Variants in VDR observed in about 807,000 individuals in gnomAD.
The protein encoded by VDR is vitamin D3 receptor.
A neutral mutation model predicts 39.7 loss-of-function variants in VDR; 19 were observed. That is an observed-to-expected ratio of 0.48 (90% CI 0.33 to 0.70). VDR has a LOEUF of 0.70. Among genes scored for constraint, VDR ranks in the 30% least tolerant of loss-of-function variants. VDR has a pLI of 0.02. For missense variants in VDR, 442 were observed against 570.5 expected (o/e 0.77, Z 2.29); for synonymous variants, 242 against 215.8 (o/e 1.12, Z -1.07).
At chr12:47,890,250 G>A (rs1946342372) in intron 1 of VDR, among the ~76,000 whole-genome samples, 1 of 151,264 alleles carries the variant, frequency 6.6e-6, no homozygotes, top group African/African-American at 2.4e-5. Flanking sequence ...ATGAGGAATG[G>A]CTTATTTTCT....
chr12:47,862,914 C>T (rs578095188), intron 4 of VDR, among the ~76,000 whole-genome samples: 5 of 152,302 alleles, frequency 3.3e-5, no homozygotes, highest in African/African-American at 1.2e-4. Context: ...ACTGGATCCC[C>T]GCTCCACCAG....
intron 1 of VDR, among the ~76,000 whole-genome samples, chr12:47,894,649 T>A (rs1565636875): frequency 6.6e-6 from 1 of 152,174 alleles, no homozygotes; most frequent in Non-Finnish European, 1.5e-5. Context: ...AGGATTGAAG[T>A]TTAACAGAGA....
In VDR at chr12:47,844,994, C is replaced by T. The variant is rs267607169; in HGVS notation, c.1036G>A (p.Val346Met). The change falls in exon 10 of 10, where the codon GTG becomes ATG. Residue 346 changes from valine to methionine, a missense_variant. Around this residue, in one of 5 missense-constraint regions of VDR, gnomAD observed 173 missense variants for 252.0 expected, o/e 0.69. Transcript: ENST00000549336. ...GCCTCAATCAGCGCGGCGTCCTGCA[C>T]CCCAGGACGATCTGTGGGCACGGGG... ...ICIVSPDRPG[V>M]QDAALIEAIQ... 2 of 1,612,574 alleles carry T rather than the reference C, an allele frequency of 1.2e-6. No individual in the cohort carries two copies. The highest frequency in any genetic ancestry group is 1.7e-5 in the Admixed American group (1 of 59,990).
At chr12:47,855,489 C>T in intron 7 of VDR, 141 bp downstream of exon 7, 1 of 1,009,020 alleles carries the variant, frequency 9.9e-7, no homozygotes, top group Non-Finnish European at 1.4e-6. Flanking sequence ...CACTGCACTC[C>T]AGCCTGCGTG....
chr12:47,873,507 G>C (rs956111395), intron 3 of VDR, among the ~76,000 whole-genome samples: 1 of 150,290 alleles, frequency 6.7e-6, no homozygotes, highest in Non-Finnish European at 1.5e-5. Context: ...GACTACAGGC[G>C]CCCGCCACCT....
intron 6 of VDR, among the ~76,000 whole-genome samples, 187 bp downstream of exon 6, chr12:47,856,942 G>A (rs1219911617): frequency 1.3e-5 from 2 of 152,254 alleles, no homozygotes; most frequent in East Asian, 3.8e-4. Context: ...CCCAGTGTGG[G>A]CCCTTGGGTA....
intron 1 of VDR, chr12:47,898,639 A>T (rs1946504715): frequency 6.5e-6 from 1 of 154,888 alleles, no homozygotes; most frequent in Non-Finnish European, 1.5e-5. Flanking sequence ...TGAGAGGAGG[A>T]TATACAAATC....
At chr12:47,901,869 C>A (rs1946567679) in intron 1 of VDR, among the ~76,000 whole-genome samples, 1 of 152,178 alleles carries the variant, frequency 6.6e-6, no homozygotes, top group African/African-American at 2.4e-5. Context: ...TGAGGCCAGT[C>A]ACAAGTCAAG....
intron 1 of VDR, among the ~76,000 whole-genome samples, chr12:47,902,262 G>A (rs1946578150): frequency 6.6e-6 from 1 of 152,174 alleles, no homozygotes; most frequent in Non-Finnish European, 1.5e-5. Context: ...GCATATCTAG[G>A]AGGGCACTGA....
chr12:47,878,398 C>T (rs934473918), intron 3 of VDR, among the ~76,000 whole-genome samples: 7 of 152,190 alleles, frequency 4.6e-5, no homozygotes, highest in Non-Finnish European at 7.3e-5. Flanking sequence ...GAAACTGGCC[C>T]TGATCAAACA....
intron 3 of VDR, 29 bp from the exon 4 acceptor site, chr12:47,865,206 G>A (rs757553655): frequency 1.2e-6 from 2 of 1,607,360 alleles, no homozygotes; most frequent in Non-Finnish European, 8.5e-7. Flanking sequence ...CCCTGCCCTG[G>A]GTCACTGAAC....
At chr12:47,893,248 T>G (rs1946402779) in intron 1 of VDR, among the ~76,000 whole-genome samples, 1 of 152,226 alleles carries the variant, frequency 6.6e-6, no homozygotes, top group Admixed American at 6.5e-5. Flanking sequence ...TTGAGTGTTG[T>G]GACAACAGGG....
chr12:47,890,319 T>C (rs2137231107), intron 1 of VDR, among the ~76,000 whole-genome samples: 2 of 149,000 alleles, frequency 1.3e-5, no homozygotes, highest in South Asian at 4.2e-4. Context: ...GGTTATTGTT[T>C]TGTATTTTAC....
chr12:47,867,386 G>A (rs1446970172), intron 3 of VDR, among the ~76,000 whole-genome samples: 1 of 148,690 alleles, frequency 6.7e-6, no homozygotes, highest in African/African-American at 2.5e-5. Flanking sequence ...AAAGAAAAGT[G>A]GCACCCTTGT....
intron 7 of VDR, among the ~76,000 whole-genome samples, chr12:47,849,710 TG>T (rs1369092689): frequency 3.9e-5 from 6 of 152,272 alleles, no homozygotes; most frequent in African/African-American, 1.4e-4. Flanking sequence ...TCCCCATTTT[TG>T]TTTTGACTCA....
intron 3 of VDR, among the ~76,000 whole-genome samples, chr12:47,867,474 A>T (rs899996613): frequency 1.3e-5 from 2 of 152,072 alleles, no homozygotes; most frequent in African/African-American, 4.8e-5. Flanking sequence ...TAATTCGAAC[A>T]TTCTCTCCCA....
In VDR at chr12:47,846,295, C is replaced by T. The variant is rs190962394; in HGVS notation, c.1024+40G>A. 5 of 1,582,538 alleles carry T rather than the reference C, an allele frequency of 3.2e-6. No individual in the cohort carries two copies. The African/African-American group carries it at 4.0e-5, about 13-fold the overall frequency. ...AGGTCTTTGTCCTTCATACTCCCCG[C>T]TCCCCAGGTCCCTGAGCTCCTCCCT... On this transcript the variant is annotated intron_variant, in intron 9 of 9. Coordinates refer to ENST00000549336, the MANE Select transcript of VDR (RefSeq NM_000376.3).
intron 1 of VDR, chr12:47,901,344 C>A (rs1175339626): frequency 6.4e-6 from 1 of 155,314 alleles, no homozygotes; most frequent in Admixed American, 6.5e-5. Context: ...AGGACAGTTT[C>A]TCTTCCACAT....
intron 1 of VDR, among the ~76,000 whole-genome samples, chr12:47,887,335 A>AAAAC (rs1946276510): frequency 6.7e-6 from 1 of 150,256 alleles, no homozygotes; most frequent in African/African-American, 2.5e-5. Flanking sequence ...AAAAAAAAAA[A>AAAAC]AAAAAACAAA....
Sources: allele counts gnomAD v4.1 joint callset (sites outside exome capture counted in the v4.1 genomes callset), GRCh38; gene constraint gnomAD v4.1.1; regional missense constraint gnomAD v4.1.1; transcripts MANE v1.5; gene names NCBI Gene and HGNC (gene_info 2026-07-23, HGNC 2026-07-21).